The following SLCO3A1 variants were observed in gnomAD, a reference collection of about 807,000 sequenced individuals.
The protein encoded by SLCO3A1 is solute carrier organic anion transporter family member 3A1.
Under a neutral mutation model 63.1 loss-of-function variants are expected in SLCO3A1, and 27 were observed. That is an observed-to-expected ratio of 0.43 (90% CI 0.32 to 0.59). The LOEUF (loss-of-function observed/expected upper bound fraction) is 0.59, where lower values mean the gene tolerates loss of function less well. Ranked by LOEUF, SLCO3A1 falls within the 20% of genes least tolerant of loss-of-function variation. The pLI is 0.09. For synonymous variants in SLCO3A1, 473 were observed against 409.9 expected (o/e 1.15, Z -1.86); for missense variants, 773 against 945.8 (o/e 0.82, Z 2.40).
chr15:91,978,873 C>T (rs1901223186), intron 2 of SLCO3A1, among the ~76,000 whole-genome samples: 1 of 152,258 alleles, frequency 6.6e-6, no homozygotes, highest in Non-Finnish European at 1.5e-5. Context: ...TTGACCATAT[C>T]TGGCCCTTTA....
At position 91,862,414 on chromosome 15, in the gene SLCO3A1, AG is replaced by A. The variant is rs1897070465; in HGVS notation, c.180+8327del. Among the ~76,000 whole-genome samples the A allele has an allele frequency of 6.6e-6, 1 of 152,012 alleles. No homozygotes were observed. Among genetic ancestry groups the A allele is most frequent in the South Asian group, 2.1e-4 (1 of 4,826 alleles). ...CAAGTGATCCACTCACCTCAGCCTT[AG>A]CATTGGTTTTGGTTAAAATCTTTGC... On this transcript the variant is annotated intron_variant, in intron 1 of 9. Transcript: ENST00000318445. This position sits in a 1 kb window ranked among gnomAD's most constrained non-coding sequence, Gnocchi z 4.0.
At chr15:92,152,308 C>T (rs542006413) in intron 9 of SLCO3A1, among the ~76,000 whole-genome samples, 19 of 152,298 alleles carry the variant, frequency 1.2e-4, no homozygotes, top group Middle Eastern at 3.4e-3. Flanking sequence ...CTTCCTTCTC[C>T]GTCTATAGCA....
chr15:91,881,057 T>G (rs1356601698), intron 1 of SLCO3A1, among the ~76,000 whole-genome samples: 4 of 152,208 alleles, frequency 2.6e-5, no homozygotes. Flanking sequence ...CTGTGTGCCC[T>G]GAGACCTGCA....
intron 2 of SLCO3A1, among the ~76,000 whole-genome samples, chr15:91,988,183 G>C (rs577982732): frequency 6.6e-6 from 1 of 152,188 alleles, no homozygotes; most frequent in Non-Finnish European, 1.5e-5. Context: ...CGGCTGGATC[G>C]CTTGAGCTCA....
chr15:91,949,630 C>T (rs1053857045), intron 2 of SLCO3A1, among the ~76,000 whole-genome samples: 4 of 151,838 alleles, frequency 2.6e-5, no homozygotes, highest in South Asian at 2.1e-4. Flanking sequence ...ACTCTGTCCC[C>T]CCAAAAGAAG....
chr15:92,114,462 A>T (rs1053971744), intron 4 of SLCO3A1, among the ~76,000 whole-genome samples: 6 of 151,968 alleles, frequency 3.9e-5, no homozygotes, highest in Admixed American at 1.3e-4. Flanking sequence ...GATGAGAAGG[A>T]CTCAGGCAAG....
chr15:91,932,786 A>G (rs150107274), intron 2 of SLCO3A1, among the ~76,000 whole-genome samples: 2 of 152,338 alleles, frequency 1.3e-5, no homozygotes, highest in African/African-American at 4.8e-5. Context: ...CATAATCACA[A>G]TCCCATTCTC....
intron 2 of SLCO3A1, among the ~76,000 whole-genome samples, chr15:91,969,715 G>T (rs953547926): frequency 6.6e-6 from 1 of 152,168 alleles, no homozygotes; most frequent in Admixed American, 6.5e-5. Context: ...TGGTAGAAGT[G>T]CTCCCTTGTT....
chr15:91,973,999 G>C (rs945592406), intron 2 of SLCO3A1, among the ~76,000 whole-genome samples: 7 of 152,052 alleles, frequency 4.6e-5, no homozygotes, highest in African/African-American at 1.7e-4. Flanking sequence ...ACCTGTCTGT[G>C]AGCCAGGCCT....
exon 11 of SLCO3A1, chr15:92,171,879 C>T (rs1250576492): frequency 1.9e-6 from 3 of 1,541,592 alleles, no homozygotes; most frequent in Non-Finnish European, 2.6e-6. Flanking sequence ...GGCCCTCTTC[C>T]TCTTCCTGGA....
At chr15:92,044,882 G>A (rs988794423) in intron 2 of SLCO3A1, among the ~76,000 whole-genome samples, 36 of 152,236 alleles carry the variant, frequency 2.4e-4, no homozygotes, top group African/African-American at 8.2e-4. Flanking sequence ...CGCAACACCT[G>A]CTCTGTGGTT....
intron 2 of SLCO3A1, among the ~76,000 whole-genome samples, chr15:92,025,824 T>A (rs1567073387): frequency 6.6e-6 from 1 of 152,226 alleles, no homozygotes; most frequent in Non-Finnish European, 1.5e-5. Flanking sequence ...GCGTGATGCA[T>A]GGCAGTAAGA....
At chr15:92,013,025 T>C (rs768678572) in intron 2 of SLCO3A1, among the ~76,000 whole-genome samples, 2 of 152,168 alleles carry the variant, frequency 1.3e-5, no homozygotes, top group Non-Finnish European at 2.9e-5. Flanking sequence ...AAATAGCCAG[T>C]GGCCCCACAG....
At chr15:92,148,675 C>G (rs1046381962) in intron 8 of SLCO3A1, 1 of 152,110 alleles carries the variant, frequency 6.6e-6, no homozygotes, top group Non-Finnish European at 1.5e-5. Context: ...TATTCAGACC[C>G]TTTTATTCAG....
rs540598729 is a variant in SLCO3A1 at position 92,117,627 on chromosome 15, T to C, written c.1010-2838T>C. Among the ~76,000 whole-genome samples the C allele has an allele frequency of 2.0e-5, 3 of 152,234 alleles. No homozygotes were observed. In the South Asian group the frequency reaches 6.3e-4, roughly 32 times the overall value. On this transcript the variant is annotated intron_variant, in intron 4 of 9. Coordinates refer to ENST00000318445, the MANE Select transcript of SLCO3A1 (RefSeq NM_013272.4). ...GAGGCGCTGTTATAACCCGACGTGATCCATACTGTTCTTACTACATTGTGA... is the reference window on the plus strand; with the variant it reads ...GAGGCGCTGTTATAACCCGACGTGACCCATACTGTTCTTACTACATTGTGA...
intron 5 of SLCO3A1, among the ~76,000 whole-genome samples, chr15:92,121,955 T>A (rs1427829882): frequency 6.6e-6 from 1 of 152,056 alleles, no homozygotes; most frequent in Non-Finnish European, 1.5e-5. Context: ...CGTTCTGTGG[T>A]GTGGAGGGAA....
intron 9 of SLCO3A1, chr15:92,161,503 G>A (rs1365343918): frequency 1.3e-5 from 2 of 152,260 alleles, no homozygotes; most frequent in African/African-American, 4.8e-5. Flanking sequence ...ACTGGTTGTA[G>A]GTACCGGAAA....
At position 91,862,067 on chromosome 15, in the gene SLCO3A1, ATGGAC is replaced by A. The variant is rs1897061477; in HGVS notation, c.180+7980_180+7984del. Among the ~76,000 whole-genome samples the A allele has an allele frequency of 6.6e-6, 1 of 152,000 alleles. No individual in the cohort carries two copies. Among genetic ancestry groups the A allele is most frequent in the Non-Finnish European group, 1.5e-5 (1 of 67,992 alleles). The stretch of plus-strand genomic sequence containing the variant: ...ATGACTTTTCAGTACTCTCCTTTTC[ATGGAC>A]GTAATAGTCCAAGTGGCATTTTAAG... On this transcript the variant is annotated intron_variant, in intron 1 of 9. Coordinates refer to ENST00000318445, the MANE Select transcript of SLCO3A1 (RefSeq NM_013272.4). This position sits in a 1 kb window ranked among gnomAD's most constrained non-coding sequence, Gnocchi z 4.0.
rs1897094201 is a variant in SLCO3A1, at chr15:91,863,427, G to A, written c.180+9339G>A. 6.6e-6 allele frequency among the ~76,000 whole-genome samples: 1 copy of A among 152,246 alleles called. No homozygotes were observed. Among genetic ancestry groups the A allele is most frequent in the African/African-American group, 2.4e-5 (1 of 41,466 alleles). ...GTGCAGTGTAGTGGGATGGCCGTGA[G>A]TACAACCACTGCCGGTTGTGACAGA... On this transcript the variant is annotated intron_variant, in intron 1 of 9. Transcript: ENST00000318445. The surrounding 1 kb of genome is among the most constrained non-coding windows in gnomAD (Gnocchi z 4.3).
Sources: allele counts gnomAD v4.1 joint callset (sites outside exome capture counted in the v4.1 genomes callset), GRCh38; gene constraint gnomAD v4.1.1; non-coding constraint Gnocchi (gnomAD v3.1); transcripts MANE v1.5; gene names NCBI Gene and HGNC (gene_info 2026-07-23, HGNC 2026-07-21).